TAOK1: variants seen among roughly 807,000 people sequenced by gnomAD.
TAOK1 encodes the protein serine/threonine-protein kinase TAO1.
A neutral mutation model predicts 138.3 loss-of-function variants in TAOK1; 21 were observed. The observed-to-expected ratio is 0.15, with a 90% CI of 0.11 to 0.22. TAOK1 has a LOEUF of 0.22. Among genes scored for constraint, TAOK1 ranks in the 10% least tolerant of loss-of-function variants. The pLI is 1.00. For synonymous variants in TAOK1, 361 were observed against 398.4 expected (o/e 0.91, Z 1.12); for missense variants, 651 against 1,227.7 (o/e 0.53, Z 7.02).
At chr17:29,534,088 T>G in intron 18 of TAOK1, 30 bp from the exon 19 acceptor site, 1 of 1,555,034 alleles carries the variant, frequency 6.4e-7, no homozygotes, top group Non-Finnish European at 8.7e-7. Context: ...GGATATATCT[T>G]TTTTTTTTCT....
chr17:29,467,866 T>G (rs1205377896), intron 3 of TAOK1, among the ~76,000 whole-genome samples: 2 of 151,174 alleles, frequency 1.3e-5, no homozygotes, highest in Non-Finnish European at 2.9e-5. Flanking sequence ...CTCTGTCACC[T>G]AAGCTGGAAT....
chr17:29,424,436 C>CAAAAAAAA (rs781589064), intron 1 of TAOK1, among the ~76,000 whole-genome samples: 12 of 71,938 alleles, frequency 1.7e-4, no homozygotes, highest in Admixed American at 3.5e-4. Context: ...GACTCCCTCT[C>CAAAAAAAA]AAAAAAAAAA....
chr17:29,467,004 T>C (rs1319604636), intron 2 of TAOK1, 141 bp from the exon 3 acceptor site: 5 of 472,150 alleles, frequency 1.1e-5, no homozygotes, highest in Admixed American at 7.1e-5. Flanking sequence ...TATAGTGTTA[T>C]TTTTAAAATT....
intron 2 of TAOK1, among the ~76,000 whole-genome samples, chr17:29,454,878 T>A (rs1357721339): frequency 6.6e-6 from 1 of 152,032 alleles, no homozygotes; most frequent in Non-Finnish European, 1.5e-5. Flanking sequence ...ATTTTTTGTA[T>A]TTTTAGTAGA....
chr17:29,431,812 T>G (rs1490561448), intron 1 of TAOK1, among the ~76,000 whole-genome samples: 4 of 147,372 alleles, frequency 2.7e-5, no homozygotes, highest in Non-Finnish European at 1.5e-5. Flanking sequence ...AATTTTTTTT[T>G]TTTTTTTTTT....
chr17:29,516,807 T>TTTTTTG (rs2031824405), intron 15 of TAOK1, among the ~76,000 whole-genome samples: 1 of 151,654 alleles, frequency 6.6e-6, no homozygotes, highest in Non-Finnish European at 1.5e-5. Context: ...GACCCCTGTT[T>TTTTTTG]TTTTTGTTGT....
chr17:29,458,109 T>TG (rs1270602450), intron 2 of TAOK1, among the ~76,000 whole-genome samples: 6 of 87,160 alleles, frequency 6.9e-5, no homozygotes, highest in Admixed American at 1.1e-4. Flanking sequence ...GACTCCATCT[T>TG]GAAAAAAAAA....
At chr17:29,439,977 C>G (rs2029892091) in intron 1 of TAOK1, among the ~76,000 whole-genome samples, 2 of 151,810 alleles carry the variant, frequency 1.3e-5, no homozygotes, top group Admixed American at 6.6e-5. Context: ...TCATCCTCAA[C>G]CTAAAAGTAA....
chr17:29,438,863 T>C lies in TAOK1; in HGVS notation c.-94-12592T>C, dbSNP rs1804916373. Reference sequence around the variant, plus strand: ...TTTAGTAATTATTTAGTCTACTGTTTAGGACTTTCCAACTTTTTATTTTGA... The same window carrying C: ...TTTAGTAATTATTTAGTCTACTGTTCAGGACTTTCCAACTTTTTATTTTGA... On this transcript the variant is annotated intron_variant, in intron 1 of 19. Transcript: ENST00000261716. Among the ~76,000 whole-genome samples the C allele has an allele frequency of 2.6e-5, 4 of 152,220 alleles. No individual in the cohort carries two copies. In the South Asian group the frequency reaches 8.3e-4, roughly 32 times the overall value.
intron 3 of TAOK1, among the ~76,000 whole-genome samples, chr17:29,471,495 T>G (rs780173466): frequency 6.6e-6 from 1 of 151,836 alleles, no homozygotes; most frequent in Non-Finnish European, 1.5e-5. Flanking sequence ...GCCAGGATGG[T>G]CTCGATCTCT....
At chr17:29,421,038 T>C (rs1362361098) in intron 1 of TAOK1, among the ~76,000 whole-genome samples, 2 of 152,152 alleles carry the variant, frequency 1.3e-5, no homozygotes, top group Non-Finnish European at 2.9e-5. Context: ...CAAGTGATTC[T>C]TCTGCCTCAG....
At chr17:29,468,231 G>T (rs2153025789) in intron 3 of TAOK1, among the ~76,000 whole-genome samples, 1 of 147,136 alleles carries the variant, frequency 6.8e-6, no homozygotes, top group East Asian at 2.1e-4. Flanking sequence ...CTGCCTCCTG[G>T]GTTTTAGCAA....
chr17:29,427,913 G>A (rs1452019676), intron 1 of TAOK1, among the ~76,000 whole-genome samples: 18 of 129,040 alleles, frequency 1.4e-4, no homozygotes, highest in Non-Finnish European at 2.7e-4. Flanking sequence ...GCAACAGCGT[G>A]AGACTCTGTC....
chr17:29,502,855 C>A, intron 13 of TAOK1, 132 bp downstream of exon 13: 4 of 966,856 alleles, frequency 4.1e-6, no homozygotes, highest in East Asian at 2.7e-5. Flanking sequence ...TATTTAAGTG[C>A]CTATTAAGAG....
chr17:29,515,792 C>T (rs752725703), intron 15 of TAOK1, among the ~76,000 whole-genome samples: 69 of 151,168 alleles, frequency 4.6e-4, no homozygotes, highest in Non-Finnish European at 8.3e-4. Context: ...GCCGAGATCG[C>T]GCCACTGCAC....
At chr17:29,441,397 C>T (rs1462424908) in intron 1 of TAOK1, among the ~76,000 whole-genome samples, 2 of 152,142 alleles carry the variant, frequency 1.3e-5, no homozygotes, top group African/African-American at 2.4e-5. Flanking sequence ...GTTGTTTCCT[C>T]TGACAGTTTT....
intron 19 of TAOK1, among the ~76,000 whole-genome samples, chr17:29,541,691 G>A (rs1302093820): frequency 2.7e-5 from 4 of 150,608 alleles, no homozygotes; most frequent in South Asian, 2.1e-4. Context: ...CTAGAGAATC[G>A]CTTGAACCCA....
intron 12 of TAOK1, 99 bp from the exon 13 acceptor site, chr17:29,502,490 T>C: frequency 7.5e-7 from 1 of 1,327,714 alleles, no homozygotes; most frequent in East Asian, 2.5e-5. Flanking sequence ...ATTATGTCTT[T>C]GAGATTGATT....
chr17:29,525,909 T>C (rs2032001499), intron 17 of TAOK1, among the ~76,000 whole-genome samples: 2 of 151,668 alleles, frequency 1.3e-5, no homozygotes, highest in African/African-American at 2.4e-5. Flanking sequence ...AGGCAGGAGA[T>C]TGACTTGAAC....
Sources: gnomAD v4.1 joint callset for allele counts (sites outside exome capture counted in the v4.1 genomes callset) on GRCh38, gnomAD v4.1.1 for gene constraint, MANE v1.5 for transcripts, NCBI Gene and HGNC (gene_info 2026-07-23, HGNC 2026-07-21) for gene names.